WDPCP: variants seen among roughly 807,000 people sequenced by gnomAD.
WDPCP encodes the protein WD repeat containing planar cell polarity effector.
In WDPCP, 71 loss-of-function variants were observed where a neutral mutation model predicts 93.1. The observed-to-expected ratio is 0.76, with a 90% confidence interval of 0.63 to 0.93. WDPCP has a LOEUF of 0.93. WDPCP is among the 40% of genes least tolerant of loss of function. The pLI is 0.00. For synonymous variants in WDPCP, 315 were observed against 315.0 expected (o/e 1.00, Z 0.00); for missense variants, 844 against 887.4 (o/e 0.95, Z 0.62).
chr2:63,213,493 T>C (rs1238121203), intron 14 of WDPCP, among the ~76,000 whole-genome samples: 2 of 152,196 alleles, frequency 1.3e-5, no homozygotes, highest in African/African-American at 4.8e-5. Flanking sequence ...GGGAAACTTA[T>C]AGCACTAAAT....
chr2:63,672,273 T>C (rs762266046), intron 2 of WDPCP, among the ~76,000 whole-genome samples: 2 of 152,246 alleles, frequency 1.3e-5, no homozygotes, highest in Non-Finnish European at 2.9e-5. Context: ...TGAATACTTG[T>C]ACAGCTCATC....
chr2:63,275,153 G>A (rs1044948079), intron 13 of WDPCP, among the ~76,000 whole-genome samples: 65 of 152,150 alleles, frequency 4.3e-4, no homozygotes, highest in African/African-American at 1.5e-3. Flanking sequence ...AGGATGCTTC[G>A]ACATAGGCAA....
intron 1 of WDPCP, among the ~76,000 whole-genome samples, chr2:63,507,224 GATAA>G (rs1040340722): frequency 2.0e-5 from 3 of 151,312 alleles, no homozygotes; most frequent in African/African-American, 7.3e-5. Flanking sequence ...AAATACTGGA[GATAA>G]ATAAAATATA....
chr2:63,217,745 A>T (rs1012259625), intron 14 of WDPCP, among the ~76,000 whole-genome samples: 9 of 152,184 alleles, frequency 5.9e-5, no homozygotes, highest in Non-Finnish European at 1.2e-4. Context: ...AAGCGACTGA[A>T]ATTTGAACTA....
At chr2:63,643,332 CT>C in intron 3 of WDPCP, 1 of 391,172 alleles carries the variant, frequency 2.6e-6, no homozygotes, top group East Asian at 6.9e-5. Context: ...GGCAGATACC[CT>C]TTCCTCAGGG....
chr2:63,722,548 G>A (rs542590104), intron 2 of WDPCP, among the ~76,000 whole-genome samples: 5,432 of 132,066 alleles, frequency 0.041, 538 homozygotes, highest in Middle Eastern at 0.073. Flanking sequence ...CGCCCCATCC[G>A]GGAGGGAGGT....
At chr2:63,697,077 C>G (rs1249595426) in intron 2 of WDPCP, among the ~76,000 whole-genome samples, 2 of 152,152 alleles carry the variant, frequency 1.3e-5, no homozygotes, top group African/African-American at 4.8e-5. Context: ...CAATGTAATC[C>G]TATTCAGTCT....
At chr2:63,748,408 T>A (rs1669830833) in intron 2 of WDPCP, among the ~76,000 whole-genome samples, 2 of 152,028 alleles carry the variant, frequency 1.3e-5, no homozygotes, top group African/African-American at 4.8e-5. Flanking sequence ...GCTCCTTCTA[T>A]TCCTAGTTAA....
intron 12 of WDPCP, among the ~76,000 whole-genome samples, chr2:63,331,066 G>A (rs1266259280): frequency 6.6e-6 from 1 of 152,024 alleles, no homozygotes; most frequent in Non-Finnish European, 1.5e-5. Context: ...GTTTTGCTCT[G>A]TTGTCCAAGC....
chr2:63,373,054 C>T (rs1291014927), intron 12 of WDPCP, among the ~76,000 whole-genome samples: 1 of 151,874 alleles, frequency 6.6e-6, no homozygotes, highest in African/African-American at 2.4e-5. Flanking sequence ...ACCTGGGAGG[C>T]GGAGGTTGCG....
At position 63,338,561 on chromosome 2, in the gene WDPCP, AAAAAAAAAATATATATAT is replaced by A. The variant is rs1161049657; in HGVS notation, c.1749-25268_1749-25251del. 2.6e-3 allele frequency among the ~76,000 whole-genome samples: 191 copies of A among 74,690 alleles called. 3 individuals carry two copies. The highest frequency in any genetic ancestry group is 4.4e-3 in the African/African-American group (80 of 18,148). 49.0% of individuals were successfully genotyped at this position (74,690 alleles called of 152,430 possible). ...GAGCAAAACTCCATCTAAAAAAAAAAAAAAAAAAATATATATATATATATATATATATATATATATATA... is the reference window on the plus strand; with the variant it reads ...GAGCAAAACTCCATCTAAAAAAAAAAATATATATATATATATATATATATA... On this transcript the variant is annotated intron_variant, in intron 12 of 17. Transcript: ENST00000272321.
chr2:63,376,071 T>C (rs1214419438), intron 12 of WDPCP, among the ~76,000 whole-genome samples: 2 of 151,986 alleles, frequency 1.3e-5, no homozygotes, highest in Non-Finnish European at 2.9e-5. Flanking sequence ...ATTTGGCCTG[T>C]TTCTCTTCCC....
At chr2:63,392,848 C>T (rs557438390) in intron 10 of WDPCP, among the ~76,000 whole-genome samples, 35 of 152,300 alleles carry the variant, frequency 2.3e-4, no homozygotes, top group Admixed American at 4.6e-4. Context: ...TACCATCTCA[C>T]GCCAGTTATA....
intron 2 of WDPCP, among the ~76,000 whole-genome samples, chr2:63,700,858 C>CA (rs1458132164): frequency 6.6e-6 from 1 of 152,096 alleles, no homozygotes; most frequent in Non-Finnish European, 1.5e-5. Context: ...TCACTATATG[C>CA]AAAAATCAAA....
chr2:63,412,400 A>G (rs1159325656), intron 9 of WDPCP, among the ~76,000 whole-genome samples: 1 of 152,174 alleles, frequency 6.6e-6, no homozygotes, highest in Non-Finnish European at 1.5e-5. Flanking sequence ...AATTTCATCT[A>G]TGACAGTCCC....
intron 12 of WDPCP, among the ~76,000 whole-genome samples, chr2:63,354,540 G>T (rs763867415): frequency 2.6e-5 from 4 of 152,178 alleles, no homozygotes; most frequent in Non-Finnish European, 5.9e-5. Flanking sequence ...CAATCATTAA[G>T]CAAGAGTCTA....
At chr2:63,721,481 A>G (rs1575757508) in intron 2 of WDPCP, among the ~76,000 whole-genome samples, 1 of 152,014 alleles carries the variant, frequency 6.6e-6, no homozygotes, top group South Asian at 2.1e-4. Context: ...TCCTCCCTGT[A>G]CCCCTCTTAC....
intron 3 of WDPCP, chr2:63,605,911 T>G: frequency 1.8e-4 from 280 of 1,564,396 alleles, no homozygotes; most frequent in Non-Finnish European, 2.2e-4. Flanking sequence ...CTAATCATCA[T>G]GAGTATGTGA....
At chr2:63,677,791 G>T (rs903206018) in intron 2 of WDPCP, among the ~76,000 whole-genome samples, 7 of 152,162 alleles carry the variant, frequency 4.6e-5, no homozygotes, top group Non-Finnish European at 8.8e-5. Flanking sequence ...AAGGAAATAT[G>T]AAAGAGTGTT....
Sources: gnomAD v4.1 joint callset for allele counts (sites outside exome capture counted in the v4.1 genomes callset) on GRCh38, gnomAD v4.1.1 for gene constraint, MANE v1.5 for transcripts, NCBI Gene and HGNC (gene_info 2026-07-23, HGNC 2026-07-21) for gene names.